The following NWD1 variants were observed in gnomAD, a reference collection of about 807,000 sequenced individuals.
NWD1 encodes NACHT and WD repeat domain containing 1, also known as NACHT domain- and WD repeat-containing protein 1.
In NWD1, 129 loss-of-function variants were observed where a neutral mutation model predicts 135.1. That is an observed-to-expected ratio of 0.96 (90% CI 0.83 to 1.11). The LOEUF is 1.11. Ranked by LOEUF, NWD1 falls within the 50% of genes least tolerant of loss-of-function variation. The pLI, the probability that NWD1 is intolerant of heterozygous loss-of-function variation, is 0.00. For missense variants in NWD1, 1,740 were observed against 1,851.3 expected, an observed-to-expected ratio of 0.94 and a Z score of 1.10; for synonymous variants, 773 against 786.0, an observed-to-expected ratio of 0.98 and a Z score of 0.28.
chr19:16,778,494 C>CTTCTTTTTTTTTTTTTTTTTTTTTTTTTT (rs200410922), intron 11 of NWD1, among the ~76,000 whole-genome samples: 1 of 107,570 alleles, frequency 9.3e-6, no homozygotes, highest in African/African-American at 4.8e-5. Flanking sequence ...TCTTCTTCTT[C>CTTCTTTTTTTTTTTTTTTTTTTTTTTTTT]TTTTTTTTTT....
intron 17 of NWD1, 130 bp from the exon 18 acceptor site, chr19:16,807,456 G>A: frequency 2.9e-6 from 2 of 700,732 alleles, no homozygotes; most frequent in East Asian, 2.5e-5. Flanking sequence ...TCGTGCTATT[G>A]CACTACAGCC....
intron 7 of NWD1, among the ~76,000 whole-genome samples, chr19:16,761,497 C>G (rs1969011340): frequency 6.6e-6 from 1 of 152,052 alleles, no homozygotes; most frequent in Non-Finnish European, 1.5e-5. Context: ...CTCAGCCTCC[C>G]AAGAGCACAC....
intron 11 of NWD1, among the ~76,000 whole-genome samples, chr19:16,778,458 T>C (rs1969732372): frequency 6.6e-6 from 1 of 151,040 alleles, no homozygotes; most frequent in South Asian, 2.1e-4. Context: ...ATATAATTTC[T>C]TTCTTTCTTT....
intron 2 of NWD1, among the ~76,000 whole-genome samples, chr19:16,725,034 C>T (rs1346488278): frequency 2.0e-5 from 3 of 148,344 alleles, no homozygotes; most frequent in South Asian, 2.1e-4. Flanking sequence ...TTTTTTGAGA[C>T]GGGGTCTCAC....
At chr19:16,790,642 TA>T (rs61674251) in intron 13 of NWD1, among the ~76,000 whole-genome samples, 6,927 of 70,658 alleles carry the variant, frequency 0.098, 539 homozygotes, top group African/African-American at 0.21. Flanking sequence ...TAAAAAAAAA[TA>T]AATAAATAAA....
At position 16,732,100 on chromosome 19, in the gene NWD1, C is replaced by G. The variant is rs575189714; in HGVS notation, c.81+822C>G. Among the ~76,000 whole-genome samples the G allele has an allele frequency of 4.3e-4, 65 of 151,824 alleles. No individual in the cohort carries two copies. The East Asian group carries it at 0.012, about 27-fold the overall frequency. Reference sequence around the variant, plus strand: ...GGCGTGGTGGCTCATGCCTGTAGTCCCAGCTACTCAGGAGGCTGAGGCAGG... The same window carrying G: ...GGCGTGGTGGCTCATGCCTGTAGTCGCAGCTACTCAGGAGGCTGAGGCAGG... On this transcript the variant is annotated intron_variant, in intron 3 of 18. Coordinates refer to ENST00000524140, the MANE Select transcript of NWD1 (RefSeq NM_001007525.5).
At chr19:16,791,995 T>G (rs1970263837) in intron 14 of NWD1, among the ~76,000 whole-genome samples, 1 of 152,198 alleles carries the variant, frequency 6.6e-6, no homozygotes, top group Non-Finnish European at 1.5e-5. Context: ...ATTACAGGCA[T>G]GAGCCACCGT....
intron 3 of NWD1, among the ~76,000 whole-genome samples, chr19:16,731,519 A>C (rs972049016): frequency 6.7e-5 from 10 of 150,088 alleles, no homozygotes; most frequent in East Asian, 4.0e-4. Context: ...GTTGGCCAGG[A>C]TGGTCTTGAT....
At chr19:16,726,283 C>A (rs971922313) in intron 2 of NWD1, among the ~76,000 whole-genome samples, 1 of 151,092 alleles carries the variant, frequency 6.6e-6, no homozygotes, top group African/African-American at 2.4e-5. Context: ...TTTTAAAAAA[C>A]TTTTTTTTGC....
At chr19:16,800,825 A>T (rs1455824096) in intron 17 of NWD1, among the ~76,000 whole-genome samples, 2 of 152,170 alleles carry the variant, frequency 1.3e-5, no homozygotes, top group South Asian at 4.1e-4. Context: ...GTTTGGCCCT[A>T]CAAACCAGAT....
intron 10 of NWD1, 21 bp downstream of exon 10, chr19:16,765,213 T>C: frequency 6.2e-7 from 1 of 1,612,518 alleles, no homozygotes; most frequent in Non-Finnish European, 8.5e-7. Context: ...ATGGCCTGGA[T>C]AGGAGTGACC....
chr19:16,740,952 A>G (rs1217390664), intron 4 of NWD1, among the ~76,000 whole-genome samples: 2 of 152,114 alleles, frequency 1.3e-5, no homozygotes, highest in Non-Finnish European at 2.9e-5. Context: ...TGAGGTCAGG[A>G]ATTCAAGACC....
rs1969768772 is a variant in NWD1, at chr19:16,779,252, C to T, written c.2609-91C>T. ...TCTCTCTGTGCCTCAGTTGTCTTAT[C>T]TGTGAAGTGGGGGGCTCATTAGAGG... On this transcript the variant is annotated intron_variant, in intron 11 of 18. Transcript: ENST00000524140. 6.9e-6 allele frequency: 10 copies of T among 1,449,846 alleles called. No individual in the cohort carries two copies. In the East Asian group the frequency reaches 2.0e-4, roughly 30 times the overall value. 89.8% of individuals were successfully genotyped at this position (1,449,846 alleles called of 1,614,324 possible).
At chr19:16,743,015 C>G (rs1968150467) in intron 4 of NWD1, among the ~76,000 whole-genome samples, 1 of 151,484 alleles carries the variant, frequency 6.6e-6, no homozygotes, top group African/African-American at 2.4e-5. Context: ...CGGCTTCAAG[C>G]AAGTCTCCTG....
At chr19:16,723,783 C>T (rs953961369) in intron 1 of NWD1, among the ~76,000 whole-genome samples, 2 of 152,078 alleles carry the variant, frequency 1.3e-5, no homozygotes, top group African/African-American at 4.8e-5. Flanking sequence ...GCAACCTCTA[C>T]CTCCTTGGTT....
chr19:16,759,328 C>A lies in NWD1; in HGVS notation c.1873C>A (p.Arg625Ser), dbSNP rs1352487269. The change falls in exon 7 of 19, where the codon CGC (arginine) becomes AGC (serine). Residue 625 changes from arginine to serine, a missense_variant. By Grantham distance (110) the Arg-to-Ser change is moderately radical. Coordinates refer to ENST00000524140, the MANE Select transcript of NWD1 (RefSeq NM_001007525.5). ...DWTPPSKELL[R>S]FPPLLWVRLR... ...GACCCCGCCCAGCAAGGAGCTGCTG[C>A]GCTTCCCGCCCCTGCTGTGGGTGCG... is the stretch of plus-strand genomic sequence containing the variant. The A allele has an allele frequency of 6.2e-7, 1 of 1,613,918 alleles. No individual in the cohort carries two copies. Among genetic ancestry groups the A allele is most frequent in the African/African-American group, 1.3e-5 (1 of 75,060 alleles).
chr19:16,787,308 G>C (rs1033518791), intron 12 of NWD1, among the ~76,000 whole-genome samples: 1 of 151,962 alleles, frequency 6.6e-6, no homozygotes, highest in Non-Finnish European at 1.5e-5. Flanking sequence ...TTTTTTGCAA[G>C]ATTATAAAAA....
rs141939535 is a variant in NWD1 at position 16,759,759 on chromosome 19, C to T, written c.1973+331C>T. On this transcript the variant is annotated intron_variant, in intron 7 of 18. Coordinates refer to ENST00000524140, the MANE Select transcript of NWD1 (RefSeq NM_001007525.5). ...CTAGGTGTGTTAGCACTTTGGGAGG[C>T]TGAGGTGGCGGATCACCTGAGGTCA... Among the ~76,000 whole-genome samples, 1,229 of 152,182 alleles carry T rather than the reference C, an allele frequency of 8.1e-3. 19 individuals carry two copies. The highest frequency in any genetic ancestry group is 0.028 in the African/African-American group (1,180 of 41,504).
Position 16,783,353 on chromosome 19 carries a change from G to A in NWD1, c.2731+3888G>A, listed in dbSNP as rs1046393437. ...CCTGTCTCTTAAAAATAAATTTAAA[G>A]GTGGGGAACGGTGGCTCATGCCTGT... On this transcript the variant is annotated intron_variant, in intron 12 of 18. Transcript: ENST00000524140. Among the ~76,000 whole-genome samples the A allele has an allele frequency of 4.5e-4, 68 of 151,480 alleles. 1 individual carries two copies. The highest frequency in any genetic ancestry group is 1.5e-3 in the African/African-American group (64 of 41,376).
Sources: gnomAD v4.1 joint callset for allele counts (sites outside exome capture counted in the v4.1 genomes callset) on GRCh38, gnomAD v4.1.1 for gene constraint, MANE v1.5 for transcripts, NCBI Gene and HGNC (gene_info 2026-07-23, HGNC 2026-07-21) for gene names.